The following KIF16B variants were observed in gnomAD, a reference collection of about 807,000 sequenced individuals.
KIF16B encodes kinesin family member 16B.
A neutral mutation model predicts 156.3 loss-of-function variants in KIF16B; 98 were observed. The ratio of observed to expected loss-of-function variants is 0.63; its 90% CI spans 0.53 to 0.74. The LOEUF is 0.74. Ranked by LOEUF, KIF16B falls within the 30% of genes least tolerant of loss-of-function variation. The probability of loss-of-function intolerance (pLI) is 0.00; values close to 1 mark genes in which losing one functional copy is unlikely to be tolerated. For missense variants in KIF16B, 1,421 were observed against 1,606.5 expected (o/e 0.88, Z 1.97); for synonymous variants, 564 against 583.7 (o/e 0.97, Z 0.49).
chr20:16,526,304 C>A, intron 2 of KIF16B, 99 bp from the exon 3 acceptor site: 1 of 526,974 alleles, frequency 1.9e-6, no homozygotes, highest in South Asian at 4.3e-5. Flanking sequence ...CATTTCATTC[C>A]TGCTGGCTTC....
At chr20:16,285,222 C>G (rs1217325027) in intron 25 of KIF16B, among the ~76,000 whole-genome samples, 1 of 152,168 alleles carries the variant, frequency 6.6e-6, no homozygotes, top group Non-Finnish European at 1.5e-5. Context: ...AGTAACCATG[C>G]CTTCAAATGT....
intron 23 of KIF16B, among the ~76,000 whole-genome samples, chr20:16,336,808 C>G (rs2064046970): frequency 6.6e-6 from 1 of 152,192 alleles, no homozygotes; most frequent in African/African-American, 2.4e-5. Flanking sequence ...TGCATTCAAG[C>G]AAGTGCTAAG....
chr20:16,296,951 CAG>C (rs2122549872), intron 25 of KIF16B, among the ~76,000 whole-genome samples: 1 of 152,330 alleles, frequency 6.6e-6, no homozygotes, highest in South Asian at 2.1e-4. Flanking sequence ...GAACAAACTC[CAG>C]AGAGTAAGAG....
chr20:16,567,884 G>A (rs6044128), intron 1 of KIF16B, among the ~76,000 whole-genome samples: 21,978 of 152,030 alleles, frequency 0.14, 1,595 homozygotes, highest in Admixed American at 0.17. Flanking sequence ...CCCGGGAGGC[G>A]GAGCTTGCAG....
intron 17 of KIF16B, among the ~76,000 whole-genome samples, chr20:16,391,312 C>A (rs1438999330): frequency 6.6e-6 from 1 of 152,170 alleles, no homozygotes; most frequent in Non-Finnish European, 1.5e-5. Context: ...CTCCCCTGCC[C>A]ATGAGTCCTC....
chr20:16,455,931 T>G (rs2067200334), intron 12 of KIF16B, among the ~76,000 whole-genome samples: 1 of 152,164 alleles, frequency 6.6e-6, no homozygotes, highest in Admixed American at 6.5e-5. Flanking sequence ...TCAAAGACCC[T>G]GAGAGGACCG....
At chr20:16,305,596 T>C (rs2063529921) in intron 25 of KIF16B, among the ~76,000 whole-genome samples, 1 of 152,236 alleles carries the variant, frequency 6.6e-6, no homozygotes, top group South Asian at 2.1e-4. Context: ...TTAACTATAA[T>C]AGCCACACTG....
rs1203304186 is a variant in KIF16B at position 16,368,819 on chromosome 20, TAG to T, written c.3498+1765_3498+1766del. The T allele has an allele frequency of 2.2e-5, 22 of 985,868 alleles. No homozygotes were observed. In the African/African-American group the frequency reaches 3.8e-4, roughly 17 times the overall value. The allele number at this position is 985,868 out of a possible 1,614,324, so 61.1% of individuals were successfully genotyped here. A position where few individuals can be genotyped will look rare whatever the true frequency, so the allele number is the denominator to read the frequency against. Reference sequence around the variant, plus strand: ...CTGGCCTGCTTGCCTCCGCTATTTATAGACACTTCTTGGGACGTATGTTGCAG... The same window carrying T: ...CTGGCCTGCTTGCCTCCGCTATTTATACACTTCTTGGGACGTATGTTGCAG... On this transcript the variant is annotated intron_variant, in intron 22 of 25. Coordinates refer to ENST00000354981, the MANE Select transcript of KIF16B (RefSeq NM_024704.5).
chr20:16,483,794 T>C (rs962819649), intron 12 of KIF16B, among the ~76,000 whole-genome samples: 4 of 152,108 alleles, frequency 2.6e-5, no homozygotes, highest in Non-Finnish European at 4.4e-5. Context: ...ATCTCCTTGC[T>C]CCCTGGCTCA....
chr20:16,538,481 A>G (rs2070063908), intron 1 of KIF16B, among the ~76,000 whole-genome samples: 1 of 152,202 alleles, frequency 6.6e-6, no homozygotes, highest in Admixed American at 6.5e-5. Flanking sequence ...CGAAAAGCCA[A>G]TTATGGGTCC....
rs557698550 is a variant in KIF16B, at chr20:16,377,797, A to G, written c.3197+1008T>C. 2.6e-5 allele frequency among the ~76,000 whole-genome samples: 4 copies of G among 152,316 alleles called. No homozygotes were observed. In the South Asian group the frequency reaches 8.3e-4, roughly 32 times the overall value. Reference sequence around the variant, plus strand: ...CATCAAGTCTTCAAGGCTCCAGAAAAGGTGTCCTCAAATTCACATAATATG... The same window carrying G: ...CATCAAGTCTTCAAGGCTCCAGAAAGGGTGTCCTCAAATTCACATAATATG... On this transcript the variant is annotated intron_variant, in intron 19 of 25. Coordinates refer to ENST00000354981, the MANE Select transcript of KIF16B (RefSeq NM_024704.5).
intron 15 of KIF16B, among the ~76,000 whole-genome samples, chr20:16,422,741 A>C (rs569150069): frequency 3.0e-4 from 46 of 152,276 alleles, no homozygotes; most frequent in East Asian, 2.3e-3. Context: ...AGTTTTACTG[A>C]AAGAAATAGA....
At chr20:16,418,153 A>G (rs1250320501) in intron 15 of KIF16B, among the ~76,000 whole-genome samples, 1 of 152,132 alleles carries the variant, frequency 6.6e-6, no homozygotes, top group Non-Finnish European at 1.5e-5. Flanking sequence ...GAGATCAAGA[A>G]AAATAGATGT....
rs71192333 is a variant in KIF16B, at chr20:16,440,533, G to GCACACACACA, written c.1303-10561_1303-10552dup. On this transcript the variant is annotated intron_variant, in intron 12 of 25. Coordinates refer to ENST00000354981, the MANE Select transcript of KIF16B (RefSeq NM_024704.5). ...CTATGGTTAAAACACACAAGCGCGC[G>GCACACACACA]CACACACACACACACACACACACAC... Among the ~76,000 whole-genome samples, 133 of 138,340 alleles carry GCACACACACA rather than the reference G, an allele frequency of 9.6e-4. 1 individual carries two copies. The highest frequency in any genetic ancestry group is 2.0e-3 in the Admixed American group (28 of 13,788). 90.8% of individuals were successfully genotyped at this position (138,340 alleles called of 152,430 possible).
In KIF16B at chr20:16,426,970, T is replaced by C. The variant is rs2066370879; in HGVS notation, c.1612+134A>G. ...AGCCAAACAGAAGAGAAACAGCCTA[T>C]TGAAGCAAACAGTCTCACCCTTTTT... On this transcript the variant is annotated intron_variant, in intron 15 of 25. Coordinates refer to ENST00000354981, the MANE Select transcript of KIF16B (RefSeq NM_024704.5). 8 of 675,566 alleles carry C rather than the reference T, an allele frequency of 1.2e-5. No individual in the cohort carries two copies. The South Asian group carries it at 1.5e-4, about 13-fold the overall frequency. 41.8% of individuals were successfully genotyped at this position (675,566 alleles called of 1,614,324 possible). A position where few individuals can be genotyped will look rare whatever the true frequency, so the allele number is the denominator to read the frequency against.
At chr20:16,515,947 C>T (rs1686024590) in intron 3 of KIF16B, among the ~76,000 whole-genome samples, 2 of 152,146 alleles carry the variant, frequency 1.3e-5, no homozygotes, top group South Asian at 4.1e-4. Flanking sequence ...AAGTGAAAAT[C>T]ATGTTTAGAA....
chr20:16,429,975 G>A lies in KIF16B; in HGVS notation c.1310C>T (p.Thr437Ile), dbSNP rs745726895. Residue 437 changes from threonine to isoleucine, a missense_variant, in exon 13 of 26, where the codon ACT becomes ATT. Physicochemically the swap from Thr to Ile is moderately conservative, Grantham distance 89. Coordinates refer to ENST00000354981, the MANE Select transcript of KIF16B (RefSeq NM_024704.5). ...AATCCCTTCTTTCCTGAGGGCTAGA[G>A]TTTGTTCCTGAAATTAAGAGGAAAA... ...NETQNILKEQ[T>I]LALRKEGIGV... 1.9e-6 allele frequency: 3 copies of A among 1,599,544 alleles called. No homozygotes were observed. Among genetic ancestry groups the A allele is most frequent in the Non-Finnish European group, 2.6e-6 (3 of 1,176,076 alleles).
intron 1 of KIF16B, among the ~76,000 whole-genome samples, chr20:16,572,284 G>A (rs2071484217): frequency 6.6e-6 from 1 of 152,212 alleles, no homozygotes; most frequent in Admixed American, 6.5e-5. Context: ...GCCTTCGGCT[G>A]CCCCAATCAG....
At chr20:16,368,714 C>T (rs554332874) in intron 22 of KIF16B, 117 of 985,800 alleles carry the variant, frequency 1.2e-4, no homozygotes, top group South Asian at 2.3e-4. Context: ...GACGCCAGTA[C>T]GCTCTGCGGG....
Sources: allele counts gnomAD v4.1 joint callset (sites outside exome capture counted in the v4.1 genomes callset), GRCh38; gene constraint gnomAD v4.1.1; transcripts MANE v1.5; gene names NCBI Gene and HGNC (gene_info 2026-07-23, HGNC 2026-07-21).